The following BLZF1 variants were observed in gnomAD, a reference collection of about 807,000 sequenced individuals.
The protein encoded by BLZF1 is golgin-45.
BLZF1 carries 39 observed loss-of-function variants against 43.8 expected under a neutral mutation model. That is an observed-to-expected ratio of 0.89 (90% confidence interval 0.69 to 1.16). The LOEUF (loss-of-function observed/expected upper bound fraction) is 1.16, where lower values mean the gene tolerates loss of function less well. Among genes scored for constraint, BLZF1 ranks in the 50% most tolerant of loss-of-function variants. The pLI is 0.00. For synonymous variants in BLZF1, 136 were observed against 159.4 expected, an observed-to-expected ratio of 0.85 and a Z score of 1.11; for missense variants, 449 against 469.8, an observed-to-expected ratio of 0.96 and a Z score of 0.41.
At chr1:169,384,060 C>T (rs909496765) in intron 6 of BLZF1, among the ~76,000 whole-genome samples, 7 of 152,104 alleles carry the variant, frequency 4.6e-5, no homozygotes, top group African/African-American at 1.7e-4. Context: ...AATATAATCT[C>T]TTTTCTCCTT....
At chr1:169,388,886 C>T (rs905325611), downstream of BLZF1, among the ~76,000 whole-genome samples, 3 of 151,890 alleles carry the variant, frequency 2.0e-5, no homozygotes, top group Admixed American at 6.6e-5. Flanking sequence ...TTTGGGAGGC[C>T]GAGGTGGGTG....
rs751779011 is a variant in BLZF1 at position 169,378,415 on chromosome 1, A to C, written c.554A>C (p.Asn185Thr). 5.6e-6 allele frequency: 9 copies of C among 1,613,058 alleles called. No homozygotes were observed. In the South Asian group the frequency reaches 9.9e-5, roughly 18 times the overall value. ...YHFERLAREK[N>T]QLILENEALG... ...TTTGAACGTCTAGCCCGTGAGAAAA[A>C]TCAGCTTATTTTAGAAAATGAAGCC... Residue 185 changes from asparagine (N) to threonine (T), a missense_variant, in exon 4 of 7, where the codon AAT (asparagine) becomes ACT (threonine). Asn to Thr is a moderately conservative substitution (Grantham distance 65). Transcript: ENST00000367808.
At chr1:169,372,771 A>G (rs950450680) in intron 2 of BLZF1, among the ~76,000 whole-genome samples, 1 of 152,120 alleles carries the variant, frequency 6.6e-6, no homozygotes, top group East Asian at 1.9e-4. Context: ...TTTATGAATA[A>G]AAGAGAAATA....
At chr1:169,373,390 T>A (rs1228686738) in intron 2 of BLZF1, among the ~76,000 whole-genome samples, 2 of 152,198 alleles carry the variant, frequency 1.3e-5, no homozygotes, top group African/African-American at 4.8e-5. Context: ...GGTCCTTGTC[T>A]TCCCAATTGA....
chr1:169,372,358 C>T (rs1204519644), intron 2 of BLZF1, among the ~76,000 whole-genome samples: 1 of 152,036 alleles, frequency 6.6e-6, no homozygotes, highest in Non-Finnish European at 1.5e-5. Context: ...AAAAATAAAG[C>T]AGTTTTTAAA....
chr1:169,382,024 C>G (rs374788811), intron 5 of BLZF1, 38 bp from the exon 6 acceptor site: 32 of 1,500,078 alleles, frequency 2.1e-5, no homozygotes, highest in Non-Finnish European at 1.5e-5. Flanking sequence ...ACATTTTGCT[C>G]TCTTACTATG....
chr1:169,382,208 G>A lies in BLZF1; in HGVS notation c.944G>A (p.Gly315Asp). 6.2e-7 allele frequency: 1 copy of A among 1,613,664 alleles called. No individual in the cohort carries two copies. Among genetic ancestry groups the A allele is most frequent in the Middle Eastern group, 1.7e-4 (1 of 6,056 alleles). ...AVNSHLLGNV[G>D]INNQKKIPST... ...AATTCTCATCTTCTGGGAAATGTTG[G>A]CATTAACAATCAAAAAAAGATTCCA... is the stretch of plus-strand genomic sequence containing the variant. Residue 315 changes from glycine (G) to aspartate (D), a missense_variant, in exon 6 of 7, where the codon GGC becomes GAC. Physicochemically the swap from Gly to Asp is moderately conservative, Grantham distance 94. Coordinates refer to ENST00000367808, the MANE Select transcript of BLZF1 (RefSeq NM_001320973.2).
chr1:169,383,702 T>C lies in BLZF1; in HGVS notation c.1017+1421T>C, dbSNP rs532448866. ...CATCACTCTTTCTTGGCCCTGATGC[T>C]ACCTCTCTGAGCTCTTCTTCATAGA... On this transcript the variant is annotated intron_variant, in intron 6 of 6. Transcript: ENST00000367808. Among the ~76,000 whole-genome samples the C allele has an allele frequency of 3.3e-5, 5 of 151,334 alleles. No homozygotes were observed. The South Asian group carries it at 1.0e-3, about 32-fold the overall frequency.
At chr1:169,377,674 C>A (rs1387394734) in intron 3 of BLZF1, among the ~76,000 whole-genome samples, 2 of 151,980 alleles carry the variant, frequency 1.3e-5, no homozygotes, top group Non-Finnish European at 2.9e-5. Context: ...ATCATTTCAT[C>A]CAGCTATACG....
At chr1:169,391,268 C>G (rs889747838), downstream of BLZF1, among the ~76,000 whole-genome samples, 1 of 152,194 alleles carries the variant, frequency 6.6e-6, no homozygotes, top group Non-Finnish European at 1.5e-5. Flanking sequence ...AGTTAACTCA[C>G]CCTTTGAGTT....
chr1:169,372,172 A>T (rs1654143868), intron 2 of BLZF1, among the ~76,000 whole-genome samples: 1 of 152,094 alleles, frequency 6.6e-6, no homozygotes, highest in South Asian at 2.1e-4. Flanking sequence ...TACTAATTTA[A>T]TAATAACTAA....
Position 169,376,884 on chromosome 1 carries a change from G to A in BLZF1, c.373G>A (p.Glu125Lys), listed in dbSNP as rs756986387. 9 of 1,613,152 alleles carry A rather than the reference G, an allele frequency of 5.6e-6. No individual in the cohort carries two copies. In the East Asian group the frequency reaches 1.6e-4, roughly 28 times the overall value. The change falls in exon 3 of 7, where the codon GAG becomes AAG. Residue 125 changes from glutamate (E) to lysine (K), a missense_variant. Physicochemically the swap from Glu to Lys is moderately conservative, Grantham distance 56. Transcript: ENST00000367808. The part of the protein sequence containing the change: ...GVIEPNKELS[E>K]VKNVLEKLKN... Reference sequence around the variant, plus strand: ...TATAGAACCTAATAAGGAACTCTCAGAGGTAAAGAATGTATTGGAAAAGCT... The same window carrying A: ...TATAGAACCTAATAAGGAACTCTCAAAGGTAAAGAATGTATTGGAAAAGCT...
At chr1:169,384,793 T>C (rs12032201) in intron 6 of BLZF1, among the ~76,000 whole-genome samples, 18,296 of 152,204 alleles carry the variant, frequency 0.12, 1,155 homozygotes, top group Admixed American at 0.14. Context: ...TTTGCACTTA[T>C]ATCTGTAACT....
Position 169,376,667 on chromosome 1 carries a change from G to C in BLZF1, c.156G>C (p.Lys52Asn). The C allele has an allele frequency of 6.2e-7, 1 of 1,613,452 alleles. No individual in the cohort carries two copies. The highest frequency in any genetic ancestry group is 8.5e-7 in the Non-Finnish European group (1 of 1,179,606). The change falls in exon 3 of 7, where the codon AAG becomes AAC. Residue 52 changes from lysine (K) to asparagine (N), a missense_variant. Coordinates refer to ENST00000367808, the MANE Select transcript of BLZF1 (RefSeq NM_001320973.2). ...RKHHSLQSPW[K>N]KAVPSESPGV... ...ATCATAGTCTTCAGAGTCCATGGAA[G>C]AAAGCAGTTCCATCAGAGAGCCCAG... is the stretch of plus-strand genomic sequence containing the variant.
chr1:169,391,809 G>A (rs946276116), downstream of BLZF1, among the ~76,000 whole-genome samples: 5 of 73,998 alleles, frequency 6.8e-5, no homozygotes, highest in Non-Finnish European at 2.2e-4. Context: ...AGTTACCCTT[G>A]TCTCCTGCTA....
At chr1:169,391,678 A>G (rs962362916), downstream of BLZF1, among the ~76,000 whole-genome samples, 1 of 152,220 alleles carries the variant, frequency 6.6e-6, no homozygotes, top group African/African-American at 2.4e-5. Context: ...GTAAGTGTGC[A>G]TTCATCTAAG....
intron 3 of BLZF1, among the ~76,000 whole-genome samples, chr1:169,378,081 T>G (rs1476598747): frequency 1.3e-5 from 2 of 151,962 alleles, no homozygotes; most frequent in Non-Finnish European, 2.9e-5. Context: ...TCATAATTCT[T>G]TTTACTCTTA....
intron 3 of BLZF1, among the ~76,000 whole-genome samples, chr1:169,377,774 C>CATTGTTAAT (rs1255857020): frequency 6.6e-6 from 1 of 151,970 alleles, no homozygotes; most frequent in East Asian, 1.9e-4. Context: ...TATTCTATTA[C>CATTGTTAAT]AGTGTCATTG....
chr1:169,376,487 T>C (rs1172210187), intron 2 of BLZF1, 53 bp from the exon 3 acceptor site: 2 of 1,496,154 alleles, frequency 1.3e-6, no homozygotes, highest in Non-Finnish European at 1.8e-6. Flanking sequence ...TATTAGCATT[T>C]TCTTGGCATT....
Sources: allele counts gnomAD v4.1 joint callset (sites outside exome capture counted in the v4.1 genomes callset), GRCh38; gene constraint gnomAD v4.1.1; transcripts MANE v1.5; gene names NCBI Gene and HGNC (gene_info 2026-07-23, HGNC 2026-07-21).